EXT1: variants seen among roughly 807,000 people sequenced by gnomAD.
EXT1 encodes exostosin-1.
A neutral mutation model predicts 82.5 loss-of-function variants in EXT1; 20 were observed. That is an observed-to-expected ratio of 0.24 (90% confidence interval 0.17 to 0.35). EXT1 has a LOEUF of 0.35. Ranked by LOEUF, EXT1 falls within the 10% of genes least tolerant of loss-of-function variation. EXT1 has a pLI of 1.00. For missense variants in EXT1, 757 were observed against 936.5 expected (o/e 0.81, Z 2.50); for synonymous variants, 348 against 350.8 (o/e 0.99, Z 0.09).
chr8:117,822,963 T>C (rs1309528191), intron 4 of EXT1, among the ~76,000 whole-genome samples: 2 of 152,064 alleles, frequency 1.3e-5, no homozygotes, highest in African/African-American at 4.8e-5. Context: ...CAGGCCCCTA[T>C]CAAGAAGATC....
chr8:118,016,243 A>G (rs546608389), intron 1 of EXT1, among the ~76,000 whole-genome samples: 1 of 152,300 alleles, frequency 6.6e-6, no homozygotes, highest in African/African-American at 2.4e-5. Context: ...AATAAAAAAA[A>G]TTAGCCAGGC....
At chr8:118,016,917 T>C (rs1422731846) in intron 1 of EXT1, among the ~76,000 whole-genome samples, 2 of 152,224 alleles carry the variant, frequency 1.3e-5, no homozygotes, top group East Asian at 3.8e-4. Context: ...TTTCTTGATC[T>C]TGGTGCTGGT....
intron 1 of EXT1, among the ~76,000 whole-genome samples, chr8:118,057,042 T>C (rs541186447): frequency 6.6e-6 from 1 of 152,300 alleles, no homozygotes; most frequent in South Asian, 2.1e-4. Context: ...ATGATGATCA[T>C]AGGTGAACAC....
At chr8:118,063,484 G>C (rs1816919540) in intron 1 of EXT1, among the ~76,000 whole-genome samples, 1 of 152,220 alleles carries the variant, frequency 6.6e-6, no homozygotes, top group Non-Finnish European at 1.5e-5. Context: ...ATCACAGTCT[G>C]GACAGAGGTG....
At chr8:117,968,784 T>G (rs1337110429) in intron 1 of EXT1, among the ~76,000 whole-genome samples, 1 of 123,016 alleles carries the variant, frequency 8.1e-6, no homozygotes. Context: ...TTAGCCAGGA[T>G]GGTCTCGATC....
At chr8:117,935,967 G>A (rs947704474) in intron 1 of EXT1, among the ~76,000 whole-genome samples, 6 of 152,096 alleles carry the variant, frequency 3.9e-5, no homozygotes, top group Admixed American at 1.3e-4. Context: ...GAATGAAGTC[G>A]CTTTCATAAA....
At chr8:118,062,407 A>G (rs1454227057) in intron 1 of EXT1, among the ~76,000 whole-genome samples, 1 of 152,168 alleles carries the variant, frequency 6.6e-6, no homozygotes, top group East Asian at 1.9e-4. Context: ...ATATACAAAG[A>G]CCACTCAAGG....
At chr8:118,044,058 T>A (rs1291346790) in intron 1 of EXT1, among the ~76,000 whole-genome samples, 1 of 152,210 alleles carries the variant, frequency 6.6e-6, no homozygotes, top group East Asian at 1.9e-4. Context: ...TTTGCCAGTG[T>A]CTCTTTCTTA....
intron 1 of EXT1, among the ~76,000 whole-genome samples, chr8:117,852,613 AT>A (rs1400997721): frequency 6.6e-6 from 1 of 152,186 alleles, no homozygotes; most frequent in African/African-American, 2.4e-5. Flanking sequence ...CACAACATGA[AT>A]TTTAGTTCCC....
At chr8:117,828,377 T>G (rs953253373) in intron 4 of EXT1, among the ~76,000 whole-genome samples, 7 of 152,074 alleles carry the variant, frequency 4.6e-5, no homozygotes, top group African/African-American at 1.7e-4. Context: ...TAACGAGACC[T>G]TGTCTCCACA....
chr8:117,898,902 C>G (rs1813392780), intron 1 of EXT1, among the ~76,000 whole-genome samples: 2 of 152,046 alleles, frequency 1.3e-5, no homozygotes, highest in Non-Finnish European at 2.9e-5. Context: ...AGTCAGGAAA[C>G]TACGGTTTTA....
intron 1 of EXT1, among the ~76,000 whole-genome samples, chr8:117,960,980 G>T (rs910348541): frequency 6.6e-6 from 1 of 152,142 alleles, no homozygotes; most frequent in Non-Finnish European, 1.5e-5. Flanking sequence ...GAAGAACAAG[G>T]TGCAATACTC....
chr8:117,900,248 C>T (rs374624262), intron 1 of EXT1, among the ~76,000 whole-genome samples: 1 of 152,136 alleles, frequency 6.6e-6, no homozygotes, highest in Admixed American at 6.5e-5. Context: ...CGAAGAAGAG[C>T]AATGATGTTT....
At chr8:118,091,173 C>T (rs1393479834) in intron 1 of EXT1, among the ~76,000 whole-genome samples, 5 of 152,156 alleles carry the variant, frequency 3.3e-5, no homozygotes, top group African/African-American at 4.8e-5. Context: ...GGCCAAGAAC[C>T]GAGGCCTATC....
At chr8:117,998,837 G>A (rs780986592) in intron 1 of EXT1, among the ~76,000 whole-genome samples, 6 of 152,200 alleles carry the variant, frequency 3.9e-5, no homozygotes, top group Admixed American at 2.6e-4. Context: ...AGTCAGCACT[G>A]CATTCCTACT....
chr8:117,827,604 C>A (rs1812027434), intron 4 of EXT1, among the ~76,000 whole-genome samples: 1 of 151,702 alleles, frequency 6.6e-6, no homozygotes, highest in South Asian at 2.1e-4. Context: ...CACTTGAGGT[C>A]AGGGGTTGGA....
At chr8:117,856,545 C>A (rs745745267) in intron 1 of EXT1, among the ~76,000 whole-genome samples, 1 of 150,476 alleles carries the variant, frequency 6.6e-6, no homozygotes. Context: ...GGATTACAGG[C>A]GTGAGCCACC....
intron 3 of EXT1, among the ~76,000 whole-genome samples, chr8:117,833,600 G>A (rs2129781224): frequency 6.6e-6 from 1 of 151,248 alleles, no homozygotes; most frequent in South Asian, 2.1e-4. Context: ...GAGTGACAGA[G>A]CGAGACTCCA....
At chr8:118,107,317 C>T (rs1290741583) in intron 1 of EXT1, among the ~76,000 whole-genome samples, 1 of 151,980 alleles carries the variant, frequency 6.6e-6, no homozygotes, top group Non-Finnish European at 1.5e-5. Flanking sequence ...TGCTAATAAG[C>T]TAGATGGAAA....
Sources: allele counts gnomAD v4.1 joint callset (sites outside exome capture counted in the v4.1 genomes callset), GRCh38; gene constraint gnomAD v4.1.1; transcripts MANE v1.5; gene names NCBI Gene and HGNC (gene_info 2026-07-23, HGNC 2026-07-21).